The following HS6ST3 variants were observed in gnomAD, a reference collection of about 807,000 sequenced individuals.
HS6ST3 encodes the protein heparan-sulfate 6-O-sulfotransferase 3.
Under a neutral mutation model 36.7 loss-of-function variants are expected in HS6ST3, and 12 were observed. The ratio of observed to expected loss-of-function variants is 0.33; its 90% confidence interval spans 0.21 to 0.53. The LOEUF is 0.53. HS6ST3 is among the 20% of genes least tolerant of loss of function. The pLI, the probability that HS6ST3 is intolerant of heterozygous loss-of-function variation, is 0.95. For missense variants in HS6ST3, 584 were observed against 640.9 expected (o/e 0.91, Z 0.96); for synonymous variants, 240 against 257.5 (o/e 0.93, Z 0.65).
At chr13:96,448,446 C>T (rs2055710081) in intron 1 of HS6ST3, among the ~76,000 whole-genome samples, 2 of 152,198 alleles carry the variant, frequency 1.3e-5, no homozygotes, top group South Asian at 4.1e-4. Context: ...GCATGCTCAT[C>T]TCAGTCTACT....
chr13:96,090,824 C>T lies in HS6ST3; in HGVS notation c.-39C>T, dbSNP rs371711263. 1.2e-5 allele frequency: 18 copies of T among 1,456,718 alleles called. No homozygotes were observed. The African/African-American group carries it at 2.2e-4, about 18-fold the overall frequency. 90.2% of individuals were successfully genotyped at this position (1,456,718 alleles called of 1,614,324 possible). ...GGGCGCCCGTCCGCCCTGCCGCCGC[C>T]GCCGCCGCCGCTTCGCCTGCCGGCC... is the stretch of plus-strand genomic sequence containing the variant. On this transcript the variant is annotated 5_prime_UTR_variant, in exon 1 of 2. Coordinates refer to ENST00000376705, the MANE Select transcript of HS6ST3 (RefSeq NM_153456.4).
intron 1 of HS6ST3, among the ~76,000 whole-genome samples, chr13:96,624,584 C>T (rs919762683): frequency 1.3e-5 from 2 of 152,116 alleles, no homozygotes; most frequent in East Asian, 1.9e-4. Context: ...AGTTTTGCAG[C>T]CCTGGCTCCC....
chr13:96,284,081 G>A (rs2054788330), intron 1 of HS6ST3, among the ~76,000 whole-genome samples: 2 of 152,078 alleles, frequency 1.3e-5, no homozygotes, highest in Admixed American at 6.6e-5. Flanking sequence ...AAAGAATTGT[G>A]GGACCAGCTT....
At chr13:96,373,682 G>A (rs1241592656) in intron 1 of HS6ST3, among the ~76,000 whole-genome samples, 3 of 152,112 alleles carry the variant, frequency 2.0e-5, no homozygotes, top group Non-Finnish European at 4.4e-5. Flanking sequence ...ACTGTTTTAT[G>A]TGAAGCTGTG....
At chr13:96,557,616 T>C (rs916250509) in intron 1 of HS6ST3, among the ~76,000 whole-genome samples, 3 of 152,164 alleles carry the variant, frequency 2.0e-5, no homozygotes, top group Non-Finnish European at 4.4e-5. Context: ...AATAAGGATA[T>C]CTACACTGAG....
At chr13:96,483,681 G>A (rs147817653) in intron 1 of HS6ST3, among the ~76,000 whole-genome samples, 1 of 152,222 alleles carries the variant, frequency 6.6e-6, no homozygotes, top group African/African-American at 2.4e-5. Context: ...TGTGAGTTAT[G>A]TTTCTTACTT....
intron 1 of HS6ST3, among the ~76,000 whole-genome samples, chr13:96,178,241 A>T (rs1412124469): frequency 1.3e-5 from 2 of 152,212 alleles, no homozygotes; most frequent in African/African-American, 4.8e-5. Context: ...GAATATTTTT[A>T]TAAGTATAAA....
At chr13:96,720,070 C>G (rs548442789) in intron 1 of HS6ST3, among the ~76,000 whole-genome samples, 2 of 152,154 alleles carry the variant, frequency 1.3e-5, no homozygotes, top group Non-Finnish European at 2.9e-5. Flanking sequence ...TGTTTCCCCA[C>G]TCCTCCTCTC....
intron 1 of HS6ST3, among the ~76,000 whole-genome samples, chr13:96,498,437 A>T (rs185434131): frequency 6.6e-6 from 1 of 152,136 alleles, no homozygotes; most frequent in Non-Finnish European, 1.5e-5. Context: ...AGCAGCACTC[A>T]CCTCTGGGCC....
chr13:96,367,633 T>C (rs1034926570), intron 1 of HS6ST3, among the ~76,000 whole-genome samples: 3 of 152,220 alleles, frequency 2.0e-5, no homozygotes, highest in African/African-American at 7.2e-5. Flanking sequence ...GTGAAAGGGA[T>C]GTAAATGAGT....
At chr13:96,255,637 T>C (rs948597886) in intron 1 of HS6ST3, among the ~76,000 whole-genome samples, 3 of 152,184 alleles carry the variant, frequency 2.0e-5, no homozygotes, top group African/African-American at 7.2e-5. Flanking sequence ...AGCAGGCAAT[T>C]AGGTTGTGGA....
intron 1 of HS6ST3, among the ~76,000 whole-genome samples, chr13:96,634,723 C>T (rs933247122): frequency 4.6e-5 from 7 of 152,164 alleles, no homozygotes; most frequent in African/African-American, 1.7e-4. Flanking sequence ...ATGTATGTCT[C>T]TGAAATATAT....
intron 1 of HS6ST3, among the ~76,000 whole-genome samples, chr13:96,143,092 A>G (rs2054039807): frequency 6.6e-6 from 1 of 152,164 alleles, no homozygotes; most frequent in East Asian, 1.9e-4. Context: ...ATCATAACAT[A>G]ATGTAATCAG....
intron 1 of HS6ST3, among the ~76,000 whole-genome samples, chr13:96,729,599 G>A (rs947695195): frequency 1.4e-4 from 21 of 152,050 alleles, no homozygotes; most frequent in African/African-American, 5.1e-4. Flanking sequence ...TGGGATTACA[G>A]GCCCATGCCA....
chr13:96,594,596 C>G (rs1015352253), intron 1 of HS6ST3, among the ~76,000 whole-genome samples: 1 of 152,210 alleles, frequency 6.6e-6, no homozygotes, highest in Non-Finnish European at 1.5e-5. Context: ...TGTACACACA[C>G]ATAAGATATG....
intron 1 of HS6ST3, among the ~76,000 whole-genome samples, chr13:96,588,675 T>G (rs1250308808): frequency 6.6e-6 from 1 of 152,148 alleles, no homozygotes; most frequent in Non-Finnish European, 1.5e-5. Flanking sequence ...ATTCATCAAG[T>G]GTATTGGTCT....
intron 1 of HS6ST3, among the ~76,000 whole-genome samples, chr13:96,531,615 TA>T (rs1332791796): frequency 2.0e-5 from 3 of 152,218 alleles, no homozygotes; most frequent in Non-Finnish European, 4.4e-5. Flanking sequence ...TTGCAGCCAT[TA>T]CCATCTTCAT....
chr13:96,184,155 C>T (rs1307453685), intron 1 of HS6ST3, among the ~76,000 whole-genome samples: 7 of 140,792 alleles, frequency 5.0e-5, no homozygotes, highest in African/African-American at 8.1e-5. Flanking sequence ...GAGCCAAGAT[C>T]GCACCACTGC....
intron 1 of HS6ST3, among the ~76,000 whole-genome samples, chr13:96,099,590 A>G (rs1397160224): frequency 1.3e-5 from 2 of 152,216 alleles, no homozygotes; most frequent in Non-Finnish European, 2.9e-5. Flanking sequence ...GGGCACGTAA[A>G]TATTTGTAGT....
Sources: allele counts gnomAD v4.1 joint callset (sites outside exome capture counted in the v4.1 genomes callset), GRCh38; gene constraint gnomAD v4.1.1; transcripts MANE v1.5; gene names NCBI Gene and HGNC (gene_info 2026-07-23, HGNC 2026-07-21).